The following TNKS variants were observed in gnomAD, a reference collection of about 807,000 sequenced individuals.
The protein encoded by TNKS is tankyrase, also known as poly [ADP-ribose] polymerase tankyrase-1.
In TNKS, 72 loss-of-function variants were observed where a neutral mutation model predicts 135.8. That is an observed-to-expected ratio of 0.53 (90% confidence interval 0.44 to 0.64). TNKS has a LOEUF of 0.64. Among genes scored for constraint, TNKS ranks in the 30% least tolerant of loss-of-function variants. The pLI is 0.00. For missense variants in TNKS, 1,769 were observed against 1,674.0 expected (o/e 1.06, Z -0.99); for synonymous variants, 849 against 649.3 (o/e 1.31, Z -4.68).
chr8:9,637,984 C>T (rs186221602), intron 3 of TNKS, among the ~76,000 whole-genome samples: 18 of 152,202 alleles, frequency 1.2e-4, no homozygotes, highest in Admixed American at 9.2e-4. Context: ...TATACATTTT[C>T]TAGAGATGGG....
chr8:9,600,350 G>A (rs916325506), intron 2 of TNKS, among the ~76,000 whole-genome samples: 1 of 152,104 alleles, frequency 6.6e-6, no homozygotes, highest in African/African-American at 2.4e-5. Context: ...GTCTCACTCT[G>A]TCAGTCAGGA....
At chr8:9,556,668 T>G in intron 1 of TNKS, 56 bp downstream of exon 1, 1 of 1,599,054 alleles carries the variant, frequency 6.3e-7, no homozygotes, top group Non-Finnish European at 8.5e-7. Flanking sequence ...CAGGGTCCGG[T>G]TAGGACAAGA....
intron 17 of TNKS, among the ~76,000 whole-genome samples, chr8:9,736,532 T>C (rs1440845434): frequency 2.0e-5 from 3 of 149,952 alleles, no homozygotes; most frequent in Non-Finnish European, 4.4e-5. Context: ...TTTATGGTTT[T>C]AGGTTTAACG....
At chr8:9,731,941 C>A (rs1805465270) in intron 14 of TNKS, among the ~76,000 whole-genome samples, 1 of 152,084 alleles carries the variant, frequency 6.6e-6, no homozygotes, top group African/African-American at 2.4e-5. Context: ...GCGCCCGTCA[C>A]CACGCCCGGC....
chr8:9,694,507 A>T (rs1803423727), intron 5 of TNKS, among the ~76,000 whole-genome samples: 1 of 152,158 alleles, frequency 6.6e-6, no homozygotes. Context: ...CACACCTGTA[A>T]TCCCAGCACT....
At chr8:9,622,579 C>T (rs1167228159) in intron 3 of TNKS, among the ~76,000 whole-genome samples, 2 of 152,162 alleles carry the variant, frequency 1.3e-5, no homozygotes, top group African/African-American at 4.8e-5. Context: ...CTTATATGTG[C>T]AGAATCAGAC....
intron 3 of TNKS, among the ~76,000 whole-genome samples, chr8:9,633,728 G>A (rs1228971210): frequency 6.6e-6 from 1 of 152,172 alleles, no homozygotes; most frequent in Non-Finnish European, 1.5e-5. Context: ...CTGCCATATT[G>A]TAAACTGCCT....
At chr8:9,725,549 T>A (rs927195076) in intron 12 of TNKS, among the ~76,000 whole-genome samples, 11 of 152,176 alleles carry the variant, frequency 7.2e-5, no homozygotes, top group Admixed American at 2.0e-4. Flanking sequence ...CACTTGGACA[T>A]TGGGCTCAAA....
At chr8:9,556,755 C>T in intron 1 of TNKS, 143 bp downstream of exon 1, 2 of 853,082 alleles carry the variant, frequency 2.3e-6, no homozygotes, top group South Asian at 2.1e-5. Flanking sequence ...CTGGAGGTTC[C>T]TTTCTTTTGG....
chr8:9,720,944 C>T (rs1202756050), intron 12 of TNKS, among the ~76,000 whole-genome samples: 18 of 152,086 alleles, frequency 1.2e-4, no homozygotes, highest in Admixed American at 1.1e-3. Context: ...AAATTCTTAA[C>T]TTCATTGCAT....
chr8:9,742,981 TC>T (rs1349845506), intron 17 of TNKS, among the ~76,000 whole-genome samples: 1 of 152,126 alleles, frequency 6.6e-6, no homozygotes, highest in African/African-American at 2.4e-5. Flanking sequence ...TTTCAAAAGT[TC>T]CTTTTTATTC....
At chr8:9,679,115 T>A (rs1802665494) in intron 3 of TNKS, among the ~76,000 whole-genome samples, 1 of 152,214 alleles carries the variant, frequency 6.6e-6, no homozygotes, top group Non-Finnish European at 1.5e-5. Flanking sequence ...TCATTTGATA[T>A]ATTTTTAAAA....
chr8:9,704,579 T>C (rs1306978242), intron 5 of TNKS, 84 bp from the exon 6 acceptor site: 1 of 1,124,906 alleles, frequency 8.9e-7, no homozygotes, highest in Non-Finnish European at 1.3e-6. Context: ...TCAACTTTCA[T>C]TGTGTTTAAA....
At chr8:9,724,400 C>T (rs1015021169) in intron 12 of TNKS, among the ~76,000 whole-genome samples, 1 of 152,112 alleles carries the variant, frequency 6.6e-6, no homozygotes, top group Non-Finnish European at 1.5e-5. Context: ...CCAGCCAGGG[C>T]AACATAGTGA....
chr8:9,682,487 A>G lies in TNKS; in HGVS notation c.1107+1687A>G, dbSNP rs527843162. ...ATTTATTTTTCCTTTTCCTTAAAGGAGAATATACTTCCTTTAACTAGAACC... is the reference window on the plus strand; with the variant it reads ...ATTTATTTTTCCTTTTCCTTAAAGGGGAATATACTTCCTTTAACTAGAACC... On this transcript the variant is annotated intron_variant, in intron 5 of 26. Transcript: ENST00000310430. Among the ~76,000 whole-genome samples, 125 of 152,244 alleles carry G rather than the reference A, an allele frequency of 8.2e-4. 2 individuals are homozygous for G. The highest frequency in any genetic ancestry group is 6.8e-3 in the Middle Eastern group (2 of 294).
At chr8:9,692,390 A>T (rs773989693) in intron 5 of TNKS, among the ~76,000 whole-genome samples, 1 of 152,192 alleles carries the variant, frequency 6.6e-6, no homozygotes, top group Non-Finnish European at 1.5e-5. Context: ...CCAGAAGACA[A>T]CTTTGTGAGG....
rs775789825 is a variant in TNKS, at chr8:9,765,737, C to T, written c.3493C>T (p.Arg1165Ter). The T allele has an allele frequency of 1.2e-6, 2 of 1,613,872 alleles. No individual in the cohort carries two copies. Among genetic ancestry groups the T allele is most frequent in the Non-Finnish European group, 1.7e-6 (2 of 1,179,896 alleles). Residue 1165 changes from arginine (R) to a stop codon, truncating the protein, a stop_gained, in exon 24 of 27, where the codon CGA becomes TGA. Coordinates refer to ENST00000310430, the MANE Select transcript of TNKS (RefSeq NM_003747.3). LOFTEE classifies it high-confidence loss of function. ...GAAGTTGAGGGAGCGGTTCTGCCAC[C>T]GACAGAAGGAAGTGTCTGAGGAGAA... The part of the protein sequence containing the change: ...NKKLRERFCH[R>*]QKEVSEENHN...
chr8:9,744,130 A>G (rs1397733194), intron 17 of TNKS, among the ~76,000 whole-genome samples: 1 of 152,212 alleles, frequency 6.6e-6, no homozygotes, highest in Admixed American at 6.5e-5. Context: ...AAGAAGCATC[A>G]ATAAAAATTA....
intron 3 of TNKS, among the ~76,000 whole-genome samples, chr8:9,650,965 C>G (rs3905322): frequency 0.048 from 7,308 of 152,182 alleles, 587 homozygotes; most frequent in African/African-American, 0.17. Flanking sequence ...CGATTTAAGT[C>G]TTTGATCCAT....
Sources: gnomAD v4.1 joint callset for allele counts (sites outside exome capture counted in the v4.1 genomes callset) on GRCh38, gnomAD v4.1.1 for gene constraint, MANE v1.5 for transcripts, NCBI Gene and HGNC (gene_info 2026-07-23, HGNC 2026-07-21) for gene names.